The following SPAG11B variants were observed in gnomAD, a reference collection of about 807,000 sequenced individuals.
The protein encoded by SPAG11B is sperm associated antigen 11B.
SPAG11B carries 5 observed loss-of-function variants against 8.9 expected under a neutral mutation model. The ratio of observed to expected loss-of-function variants is 0.56; its 90% confidence interval spans 0.29 to 1.19. SPAG11B has a LOEUF of 1.19. Ranked by LOEUF, SPAG11B falls within the 50% of genes most tolerant of loss-of-function variation. The pLI, the probability that SPAG11B is intolerant of heterozygous loss-of-function variation, is 0.08. For synonymous variants in SPAG11B, 12 were observed against 53.0 expected, an observed-to-expected ratio of 0.23 and a Z score of 3.36; for missense variants, 38 against 146.4, an observed-to-expected ratio of 0.26 and a Z score of 3.82.
chr8:7,457,154 C>T, intron 2 of SPAG11B, among the ~76,000 whole-genome samples: 1 of 149,944 alleles, frequency 6.7e-6, no homozygotes, highest in Non-Finnish European at 1.5e-5. Context: ...TATCATCTTA[C>T]TGCCCAGGAA....
rs781616804 is a variant in SPAG11B, at chr8:7,450,895, C to T, written c.220G>A (p.Val74Ile). The T allele has an allele frequency of 1.2e-5, 18 of 1,555,008 alleles. No individual in the cohort carries two copies. Among genetic ancestry groups the T allele is most frequent in the Non-Finnish European group, 1.4e-5 (16 of 1,141,208 alleles). ...PPRTPPYQGD[V>I]PPGIRNTICH... ...ATGGTATTTCTAATTCCCGGTGGAA[C>T]ATCCCCTATGGATACAACAGAAGAG... is the stretch of plus-strand genomic sequence containing the variant. The change falls in exon 3 of 3, where the codon GTT becomes ATT. Residue 74 changes from valine to isoleucine, a missense_variant. By Grantham distance (29) the Val-to-Ile change is conservative. This residue lies in a region of SPAG11B where 29 missense variants were observed against 28.0 expected (regional missense o/e 1.03). Transcript: ENST00000398462.
At chr8:7,453,094 C>T (rs1810280887) in intron 2 of SPAG11B, among the ~76,000 whole-genome samples, 1 of 142,976 alleles carries the variant, frequency 7.0e-6, no homozygotes, top group African/African-American at 2.8e-5. Context: ...TATCCGCTGT[C>T]GGAGGTGACA....
At chr8:7,451,833 A>G (rs1810202039) in intron 2 of SPAG11B, among the ~76,000 whole-genome samples, 1 of 151,696 alleles carries the variant, frequency 6.6e-6, no homozygotes, top group South Asian at 2.1e-4. Flanking sequence ...GGGGAATATT[A>G]TAAGTTTGAA....
At chr8:7,453,286 C>T (rs1810294594) in intron 2 of SPAG11B, among the ~76,000 whole-genome samples, 2 of 145,236 alleles carry the variant, frequency 1.4e-5, no homozygotes, top group African/African-American at 2.7e-5. Context: ...TAAATCTGCA[C>T]ATTTTGCCCC....
chr8:7,450,960 G>T, intron 2 of SPAG11B, 60 bp from the exon 3 acceptor site: 1 of 1,537,418 alleles, frequency 6.5e-7, no homozygotes, highest in Non-Finnish European at 8.8e-7. Flanking sequence ...AATAGAAGAT[G>T]ACCCCAGCCC....
intron 2 of SPAG11B, among the ~76,000 whole-genome samples, chr8:7,454,116 AGCAATTTCATTT>A (rs1810363168): frequency 7.7e-6 from 1 of 129,784 alleles, no homozygotes; most frequent in Non-Finnish European, 1.6e-5. Flanking sequence ...AAGAAAGAAA[AGCAATTTCATTT>A]GCCCCTTAGG....
downstream of SPAG11B, among the ~76,000 whole-genome samples, chr8:7,448,821 C>A (rs1809962433): frequency 7.6e-6 from 1 of 132,288 alleles, no homozygotes; most frequent in Non-Finnish European, 1.6e-5. Flanking sequence ...GTTTGCTTCC[C>A]GGAAGCCTCA....
At chr8:7,449,642 G>T (rs1372046048), downstream of SPAG11B, among the ~76,000 whole-genome samples, 1 of 148,892 alleles carries the variant, frequency 6.7e-6, no homozygotes, top group South Asian at 2.1e-4. Context: ...GAGTTTAGAA[G>T]AGGTTGCGAG....
Position 7,450,947 on chromosome 8 carries a change from G to A in SPAG11B, c.215-47C>T, listed in dbSNP as rs766381467. The A allele has an allele frequency of 7.8e-6, 12 of 1,540,256 alleles. 3 individuals are homozygous for A. The highest frequency in any genetic ancestry group is 9.7e-6 in the Non-Finnish European group (11 of 1,134,456). On this transcript the variant is annotated intron_variant, in intron 2 of 2. Transcript: ENST00000398462. ...GTTGACATTTAACTCATATAGTGCA[G>A]AGAATAGAAGATGACCCCAGCCCGC...
downstream of SPAG11B, chr8:7,449,306 G>A (rs1262330229): frequency 2.8e-6 from 1 of 352,478 alleles, no homozygotes; most frequent in Non-Finnish European, 5.5e-6. Flanking sequence ...CATCCTTATG[G>A]AACCAGGCTC....
In SPAG11B at chr8:7,451,006, A is replaced by G. The variant is rs202042580; in HGVS notation, c.215-106T>C. On this transcript the variant is annotated intron_variant, in intron 2 of 2. Transcript: ENST00000398462. ...GTTATATATTCTGACAAGGCTAAGT[A>G]CTTTTGGACAAGCCCCAGTTTAACC... The G allele has an allele frequency of 1.3e-4, 202 of 1,517,898 alleles. 4 individuals carry two copies. In the East Asian group the frequency reaches 2.6e-3, roughly 20 times the overall value. The allele number at this position is 1,517,898 out of a possible 1,614,324, so 94.0% of individuals were successfully genotyped here.
chr8:7,451,345 T>C, intron 2 of SPAG11B: 1 of 656,314 alleles, frequency 1.5e-6, no homozygotes, highest in Non-Finnish European at 2.4e-6. Flanking sequence ...AAGGAGAAAA[T>C]AAAACCTCTC....
In SPAG11B at chr8:7,459,027, C is replaced by T. The variant is rs1810615435; in HGVS notation, c.214+3680G>A. Among the ~76,000 whole-genome samples the T allele has an allele frequency of 2.2e-5, 2 of 92,252 alleles. 1 individual carries two copies. The highest frequency in any genetic ancestry group is 3.9e-5 in the Non-Finnish European group (2 of 51,620). The allele number at this position is 92,252 out of a possible 152,430, so 60.5% of individuals were successfully genotyped here. ...CAGCCTGATCAACATGGAGAAACCTCGTCTCTACTAAAAATACAAAATTAG... is the reference window on the plus strand; with the variant it reads ...CAGCCTGATCAACATGGAGAAACCTTGTCTCTACTAAAAATACAAAATTAG... On this transcript the variant is annotated intron_variant, in intron 2 of 2. Transcript: ENST00000398462.
intron 2 of SPAG11B, among the ~76,000 whole-genome samples, chr8:7,458,014 CA>C (rs1316404636): frequency 4.7e-4 from 71 of 152,042 alleles, no homozygotes; most frequent in Admixed American, 1.7e-3. Flanking sequence ...TTTTCAATGG[CA>C]AAAACCACAA....
rs1468743145 is a variant in SPAG11B, at chr8:7,459,020, G to C, written c.214+3687C>G. ...TTGAGACCAGCCTGATCAACATGGA[G>C]AAACCTCGTCTCTACTAAAAATACA... On this transcript the variant is annotated intron_variant, in intron 2 of 2. Transcript: ENST00000398462. 1.3e-4 allele frequency among the ~76,000 whole-genome samples: 12 copies of C among 92,440 alleles called. 5 individuals carry two copies. Among genetic ancestry groups the C allele is most frequent in the African/African-American group, 4.2e-4 (6 of 14,388 alleles). 60.6% of individuals were successfully genotyped at this position (92,440 alleles called of 152,430 possible). A position where few individuals can be genotyped will look rare whatever the true frequency, so the allele number is the denominator to read the frequency against.
At chr8:7,459,017 G>A (rs1178315020) in intron 2 of SPAG11B, among the ~76,000 whole-genome samples, 1 of 92,306 alleles carries the variant, frequency 1.1e-5, no homozygotes, top group Non-Finnish European at 1.9e-5. Flanking sequence ...TGATCAACAT[G>A]GAGAAACCTC....
intron 2 of SPAG11B, chr8:7,451,172 C>T: frequency 6.4e-7 from 1 of 1,559,368 alleles, no homozygotes; most frequent in Non-Finnish European, 8.7e-7. Context: ...AAATGAGGGT[C>T]CTCGAGCCTC....
intron 2 of SPAG11B, chr8:7,451,166 G>C (rs753153475): frequency 6.4e-7 from 1 of 1,559,864 alleles, no homozygotes. Flanking sequence ...GATCCTAAAT[G>C]AGGGTCCTCG....
intron 2 of SPAG11B, among the ~76,000 whole-genome samples, chr8:7,452,690 C>T (rs1394578634): frequency 7.8e-5 from 5 of 63,786 alleles, no homozygotes; most frequent in Non-Finnish European, 1.2e-4. Context: ...CAGAAAGCTG[C>T]GGTGTCCACC....
Sources: gnomAD v4.1 joint callset for allele counts (sites outside exome capture counted in the v4.1 genomes callset) on GRCh38, gnomAD v4.1.1 for gene constraint, gnomAD v4.1.1 regional missense constraint, MANE v1.5 for transcripts, NCBI Gene and HGNC (gene_info 2026-07-23, HGNC 2026-07-21) for gene names.